Variants in HMGCLL1 observed in about 807,000 individuals in gnomAD.
HMGCLL1 encodes the protein 3-hydroxymethyl-3-methylglutaryl-CoA lyase, cytoplasmic.
HMGCLL1 carries 36 observed loss-of-function variants against 39.1 expected under a neutral mutation model. The observed-to-expected ratio is 0.92, with a 90% CI of 0.71 to 1.22. The LOEUF is 1.22. Among genes scored for constraint, HMGCLL1 ranks in the 50% most tolerant of loss-of-function variants. The probability of loss-of-function intolerance (pLI) is 0.00; values close to 1 mark genes in which losing one functional copy is unlikely to be tolerated. For synonymous variants in HMGCLL1, 149 were observed against 144.0 expected (o/e 1.03, Z -0.25); for missense variants, 451 against 416.5 (o/e 1.08, Z -0.72).
At chr6:55,608,108 A>AT in the HMGCLL1 span, among the ~76,000 whole-genome samples, 1 of 152,204 alleles carries the variant, frequency 6.6e-6, no homozygotes, top group African/African-American at 2.4e-5. Flanking sequence ...CATCTAGGAT[A>AT]TACATCTTGG....
chr6:55,598,559 A>T, the HMGCLL1 span, among the ~76,000 whole-genome samples: 3 of 152,218 alleles, frequency 2.0e-5, no homozygotes, highest in African/African-American at 7.2e-5. Flanking sequence ...AAAGTCCACC[A>T]GTCTCCAAAT....
At chr6:55,591,886 G>A in the HMGCLL1 span, among the ~76,000 whole-genome samples, 8 of 151,696 alleles carry the variant, frequency 5.3e-5, no homozygotes. Flanking sequence ...TTATTAACTG[G>A]TATTATTCAA....
chr6:55,529,512 C>G (rs958379021), intron 3 of HMGCLL1, among the ~76,000 whole-genome samples: 1 of 151,602 alleles, frequency 6.6e-6, no homozygotes, highest in Non-Finnish European at 1.5e-5. Flanking sequence ...AAAAAAGGGT[C>G]TTATTACCAC....
chr6:55,677,081 A>G, the HMGCLL1 span, among the ~76,000 whole-genome samples: 1 of 152,242 alleles, frequency 6.6e-6, no homozygotes. Context: ...AGATAACAGG[A>G]CAGTTTAAAA....
At chr6:55,445,676 G>T (rs1467160339) in intron 7 of HMGCLL1, among the ~76,000 whole-genome samples, 1 of 152,024 alleles carries the variant, frequency 6.6e-6, no homozygotes, top group Non-Finnish European at 1.5e-5. Context: ...GTGTGTGACT[G>T]TATGTCTGTG....
intron 7 of HMGCLL1, among the ~76,000 whole-genome samples, chr6:55,446,259 A>G (rs1763829697): frequency 6.7e-6 from 1 of 148,450 alleles, no homozygotes; most frequent in African/African-American, 2.4e-5. Context: ...TAACATATAT[A>G]ACATGTATAT....
At chr6:55,561,460 T>C (rs562811838) in intron 1 of HMGCLL1, among the ~76,000 whole-genome samples, 22 of 152,174 alleles carry the variant, frequency 1.4e-4, no homozygotes, top group Admixed American at 3.3e-4. Context: ...TGCATATGAA[T>C]CCCCTGTAGA....
chr6:55,504,419 C>T (rs969332286), intron 5 of HMGCLL1, among the ~76,000 whole-genome samples: 6 of 151,578 alleles, frequency 4.0e-5, no homozygotes, highest in African/African-American at 1.5e-4. Flanking sequence ...TTTGGCAGTA[C>T]AATAATTATT....
At chr6:55,577,297 G>C in intron 1 of HMGCLL1, 2 of 1,278,922 alleles carry the variant, frequency 1.6e-6, no homozygotes, top group Non-Finnish European at 2.1e-6. Flanking sequence ...AAAAATTCCC[G>C]AGAACACAAA....
At chr6:55,563,130 A>G (rs1771036266) in intron 1 of HMGCLL1, among the ~76,000 whole-genome samples, 1 of 152,134 alleles carries the variant, frequency 6.6e-6, no homozygotes, top group African/African-American at 2.4e-5. Flanking sequence ...TATTTACAAG[A>G]ACAAGTCTAT....
At chr6:55,631,099 C>G in the HMGCLL1 span, among the ~76,000 whole-genome samples, 2 of 152,130 alleles carry the variant, frequency 1.3e-5, no homozygotes, top group Non-Finnish European at 2.9e-5. Flanking sequence ...ATTAATACCT[C>G]TCTCTAAGTT....
intron 3 of HMGCLL1, among the ~76,000 whole-genome samples, chr6:55,521,340 C>T (rs1179996574): frequency 2.0e-5 from 3 of 152,070 alleles, no homozygotes; most frequent in Non-Finnish European, 4.4e-5. Flanking sequence ...GAAGTTTCAA[C>T]TGTTTTTTTG....
chr6:55,553,953 A>G (rs1251452906), intron 1 of HMGCLL1, among the ~76,000 whole-genome samples: 2 of 152,168 alleles, frequency 1.3e-5, no homozygotes, highest in African/African-American at 2.4e-5. Flanking sequence ...GGAACCTGCC[A>G]ACATTTTTAT....
chr6:55,503,293 G>A (rs1766988530), intron 5 of HMGCLL1, among the ~76,000 whole-genome samples: 1 of 151,788 alleles, frequency 6.6e-6, no homozygotes, highest in South Asian at 2.1e-4. Flanking sequence ...CATTGGCAAA[G>A]AGGTGATGCC....
At chr6:55,490,850 TG>T (rs1766272381) in intron 7 of HMGCLL1, among the ~76,000 whole-genome samples, 1 of 152,066 alleles carries the variant, frequency 6.6e-6, no homozygotes, top group African/African-American at 2.4e-5. Flanking sequence ...ATAAAGATGT[TG>T]GAGATGAACT....
At chr6:55,628,555 C>G in the HMGCLL1 span, among the ~76,000 whole-genome samples, 2 of 151,806 alleles carry the variant, frequency 1.3e-5, no homozygotes, top group African/African-American at 4.8e-5. Flanking sequence ...CTGCCCACCT[C>G]GGCCTCTTTC....
rs542400196 is a variant in HMGCLL1 at position 55,439,716 on chromosome 6, T to C, written c.796-157A>G. On this transcript the variant is annotated intron_variant, in intron 7 of 8. Coordinates refer to ENST00000274901, the MANE Select transcript of HMGCLL1 (RefSeq NM_001042406.2). ...GTGGCCTCTAGAATGGTCCCCAGGG[T>C]GCTTATTTCTTTTATGTCTAATCTC... 12 of 612,250 alleles carry C rather than the reference T, an allele frequency of 2.0e-5. No homozygotes were observed. The African/African-American group carries it at 2.2e-4, about 11-fold the overall frequency. The allele number at this position is 612,250 out of a possible 1,614,324, so 37.9% of individuals were successfully genotyped here.
chr6:55,627,750 T>C, the HMGCLL1 span, among the ~76,000 whole-genome samples: 1 of 146,086 alleles, frequency 6.8e-6, no homozygotes, highest in Non-Finnish European at 1.5e-5. Context: ...TGCTGGATGC[T>C]TCCTGCCCTT....
intron 5 of HMGCLL1, among the ~76,000 whole-genome samples, chr6:55,503,550 AAG>A (rs1332668876): frequency 1.2e-5 from 1 of 80,468 alleles, no homozygotes; most frequent in Non-Finnish European, 2.9e-5. Context: ...GAGAATGAAA[AAG>A]GGGGGTCTAT....
Sources: allele counts gnomAD v4.1 joint callset (sites outside exome capture counted in the v4.1 genomes callset), GRCh38; gene constraint gnomAD v4.1.1; transcripts MANE v1.5; gene names NCBI Gene and HGNC (gene_info 2026-07-23, HGNC 2026-07-21).